The following CARS1 variants were observed in gnomAD, a reference collection of about 807,000 sequenced individuals.
The protein encoded by CARS1 is cysteine--tRNA ligase, cytoplasmic.
CARS1 carries 48 observed loss-of-function variants against 106.2 expected under a neutral mutation model. That is an observed-to-expected ratio of 0.45 (90% CI 0.36 to 0.57). The LOEUF (loss-of-function observed/expected upper bound fraction) is 0.57. Ranked by LOEUF, CARS1 falls within the 20% of genes least tolerant of loss-of-function variation. The probability of loss-of-function intolerance (pLI) is 0.00; values close to 1 mark genes in which losing one functional copy is unlikely to be tolerated. For synonymous variants in CARS1, 409 were observed against 403.4 expected (o/e 1.01, Z -0.17); for missense variants, 968 against 1,057.2 (o/e 0.92, Z 1.17).
chr11:3,016,341 C>T lies in CARS1; in HGVS notation c.1918-492G>A, dbSNP rs184968500. ...GTTCATGCCATTCTCCTGCCTCAGC[C>T]TCCCGAGTAGCTGGAACTACAGGAA... is the stretch of plus-strand genomic sequence containing the variant. On this transcript the variant is annotated intron_variant, in intron 16 of 22. Coordinates refer to ENST00000380525, the MANE Select transcript of CARS1 (RefSeq NM_001014437.3). Among the ~76,000 whole-genome samples, 362 of 152,100 alleles carry T rather than the reference C, an allele frequency of 2.4e-3. 3 individuals carry two copies. Among genetic ancestry groups the T allele is most frequent in the African/African-American group, 8.4e-3 (348 of 41,488 alleles).
At chr11:3,055,229 C>T (rs1856081726) in intron 1 of CARS1, among the ~76,000 whole-genome samples, 1 of 152,048 alleles carries the variant, frequency 6.6e-6, no homozygotes, top group Non-Finnish European at 1.5e-5. Flanking sequence ...GGCGCAATCT[C>T]GACTCACTGC....
intron 19 of CARS1, 90 bp downstream of exon 19, chr11:3,006,789 C>T: frequency 2.9e-6 from 3 of 1,018,330 alleles, no homozygotes; most frequent in Admixed American, 1.7e-5. Context: ...AATCATGAAG[C>T]ATGAGCCTCA....
chr11:3,047,194 A>G (rs571232301), intron 2 of CARS1, among the ~76,000 whole-genome samples: 4 of 150,846 alleles, frequency 2.7e-5, no homozygotes, highest in East Asian at 2.0e-4. Context: ...GGAGAATGGC[A>G]TGAACCCGGG....
chr11:3,049,108 T>C (rs1855408465), intron 1 of CARS1, among the ~76,000 whole-genome samples: 1 of 151,860 alleles, frequency 6.6e-6, no homozygotes, highest in Non-Finnish European at 1.5e-5. Flanking sequence ...TATTTATTTA[T>C]TTATTTATTT....
In CARS1 at chr11:3,018,752, G is replaced by A. The variant is rs750144881; in HGVS notation, c.1396-3C>T. On this transcript the variant is annotated splice_region_variant and splice_polypyrimidine_tract_variant and intron_variant, in intron 12 of 22. Transcript: ENST00000380525. ...CAGCAGTCGTTTTCAAAGTAGGCCT[G>A]CGTGGAAAGAGACAAAGGATGTCAA... 5.0e-6 allele frequency: 8 copies of A among 1,613,024 alleles called. 1 individual carries two copies. The South Asian group carries it at 8.8e-5, about 18-fold the overall frequency.
At chr11:3,006,275 G>A (rs1590320070) in intron 19 of CARS1, among the ~76,000 whole-genome samples, 2 of 152,094 alleles carry the variant, frequency 1.3e-5, no homozygotes, top group Non-Finnish European at 2.9e-5. Context: ...GTGAAACCCC[G>A]TCTCTACTAA....
chr11:3,006,689 C>T (rs1472272934), intron 19 of CARS1, among the ~76,000 whole-genome samples, 190 bp downstream of exon 19: 4 of 152,302 alleles, frequency 2.6e-5, no homozygotes, highest in Admixed American at 1.3e-4. Context: ...GAAGGAGCTA[C>T]GGGGTGCTCC....
chr11:3,034,447 C>T lies in CARS1; in HGVS notation c.801+3603G>A, dbSNP rs899715451. On this transcript the variant is annotated intron_variant, in intron 7 of 22. Coordinates refer to ENST00000380525, the MANE Select transcript of CARS1 (RefSeq NM_001014437.3). The surrounding 1 kb of genome is among the most constrained non-coding windows in gnomAD (Gnocchi z 6.3). Reference sequence around the variant, plus strand: ...TGTTGGCCAGGCTGGTCTCAAACCCCTGACCTCAGGTGATCCGCCCGCCTC... The same window carrying T: ...TGTTGGCCAGGCTGGTCTCAAACCCTTGACCTCAGGTGATCCGCCCGCCTC... Among the ~76,000 whole-genome samples the T allele has an allele frequency of 6.6e-5, 10 of 152,320 alleles. No homozygotes were observed. In the East Asian group the frequency reaches 1.5e-3, roughly 23 times the overall value.
rs1855053904 is a variant in CARS1 at position 3,046,157 on chromosome 11, T to G, written c.274+1596A>C. Among the ~76,000 whole-genome samples, 3 of 152,340 alleles carry G rather than the reference T, an allele frequency of 2.0e-5. No homozygotes were observed. The highest frequency in any genetic ancestry group is 3.4e-3 in the Middle Eastern group (1 of 294). On this transcript the variant is annotated intron_variant, in intron 2 of 22. Transcript: ENST00000380525. The surrounding 1 kb of genome is among the most constrained non-coding windows in gnomAD (Gnocchi z 5.8). ...ATTCTGTTACACAGCAACGTGGCTC[T>G]GCTTCCTCTCTGTAGGTTAAAAAGT...
chr11:3,039,911 A>G lies in CARS1; in HGVS notation c.476T>C (p.Ile159Thr), dbSNP rs1169499419. 2 of 1,584,472 alleles carry G rather than the reference A, an allele frequency of 1.3e-6. No homozygotes were observed. The highest frequency in any genetic ancestry group is 1.1e-5 in the South Asian group (1 of 87,072). ...GTAATCCTTCAACACTCTTCTCAAG[A>G]TATCAAAAGAGATGTAGGACCTAAA... ...GHARSYISFD[I>T]LRRVLKDYFK... The change falls in exon 5 of 23, where the codon ATC becomes ACC. Residue 159 changes from isoleucine (I) to threonine (T), a missense_variant. Transcript: ENST00000380525. The surrounding 1 kb of genome is among the most constrained non-coding windows in gnomAD (Gnocchi z 5.6).
intron 18 of CARS1, chr11:3,007,253 C>T: frequency 4.5e-6 from 2 of 448,428 alleles, no homozygotes; most frequent in Admixed American, 3.9e-5. Flanking sequence ...ACACTGGCCG[C>T]CGGAAGCAGT....
At chr11:3,023,767 A>G (rs952642620) in intron 10 of CARS1, among the ~76,000 whole-genome samples, 1 of 152,220 alleles carries the variant, frequency 6.6e-6, no homozygotes, top group Non-Finnish European at 1.5e-5. Context: ...TTTGAGAAGA[A>G]TCAGCTTTTG....
intron 1 of CARS1, chr11:3,054,865 T>C (rs1376466065): frequency 1.4e-6 from 1 of 702,186 alleles, no homozygotes. Context: ...AAAATTAAAC[T>C]ATAAGTCTGA....
intron 19 of CARS1, among the ~76,000 whole-genome samples, chr11:3,006,334 TACTCGG>T (rs1281489832): frequency 1.7e-4 from 26 of 152,158 alleles, no homozygotes; most frequent in Non-Finnish European, 2.4e-4. Context: ...TAATCCCAGC[TACTCGG>T]GAGGCTGAGG....
At chr11:3,002,335 AGCCTTCCCCTTGGCCAG>A in intron 21 of CARS1, 189 bp downstream of exon 21, 1 of 884,480 alleles carries the variant, frequency 1.1e-6, no homozygotes, top group Non-Finnish European at 1.7e-6. Flanking sequence ...CACATGGCAC[AGCCTTCCCCTTGGCCAG>A]GCCTTCCCTG....
intron 9 of CARS1, chr11:3,027,889 C>G (rs1056320434): frequency 4.2e-5 from 19 of 453,162 alleles, no homozygotes; most frequent in African/African-American, 3.6e-4. Flanking sequence ...TCCCTTGCCC[C>G]GCGGGAGTCT....
At position 3,045,580 on chromosome 11, in the gene CARS1, T is replaced by C. The variant is rs999906738; in HGVS notation, c.274+2173A>G. ...CGCCGGGCCAAGCAGAGTCTTTCCA[T>C]GTCTGAGAGGATCTTGGAGACAGGA... On this transcript the variant is annotated intron_variant, in intron 2 of 22. Transcript: ENST00000380525. This position sits in a 1 kb window ranked among gnomAD's most constrained non-coding sequence, Gnocchi z 5.6. Among the ~76,000 whole-genome samples, 2 of 151,748 alleles carry C rather than the reference T, an allele frequency of 1.3e-5. No homozygotes were observed. The highest frequency in any genetic ancestry group is 6.6e-5 in the Admixed American group (1 of 15,228).
chr11:3,029,383 C>T lies in CARS1; in HGVS notation c.862G>A (p.Asp288Asn). 1.2e-6 allele frequency: 2 copies of T among 1,614,102 alleles called. No homozygotes were observed. The highest frequency in any genetic ancestry group is 1.7e-6 in the Non-Finnish European group (2 of 1,179,954). The change falls in exon 8 of 23, where the codon GAT becomes AAT. Residue 288 changes from aspartate (D) to asparagine (N), a missense_variant. Coordinates refer to ENST00000380525, the MANE Select transcript of CARS1 (RefSeq NM_001014437.3). The surrounding 1 kb of genome is among the most constrained non-coding windows in gnomAD (Gnocchi z 5.9). Reference sequence around the variant, plus strand: ...GAGAAGATGGAATTGTCAGTGACATCACAGCCAAGTGTAGAATCCAGCCAG... The same window carrying T: ...GAGAAGATGGAATTGTCAGTGACATTACAGCCAAGTGTAGAATCCAGCCAG... Reference protein sequence around the residue: ...SDWLDSTLGCDVTDNSIFSKL... With the variant: ...SDWLDSTLGCNVTDNSIFSKL...
At chr11:3,027,543 T>C (rs1852217980) in intron 9 of CARS1, 3 of 195,978 alleles carry the variant, frequency 1.5e-5, no homozygotes, top group Non-Finnish European at 3.3e-5. Context: ...ATACCAGATA[T>C]AGATCTTAGA....
Sources: allele counts gnomAD v4.1 joint callset (sites outside exome capture counted in the v4.1 genomes callset), GRCh38; gene constraint gnomAD v4.1.1; non-coding constraint Gnocchi (gnomAD v3.1); transcripts MANE v1.5; gene names NCBI Gene and HGNC (gene_info 2026-07-23, HGNC 2026-07-21).